Variants in SCAF11 observed in about 807,000 individuals in gnomAD.
SCAF11 encodes protein SCAF11.
SCAF11 carries 47 observed loss-of-function variants against 140.5 expected under a neutral mutation model. The observed-to-expected ratio is 0.33, with a 90% confidence interval of 0.26 to 0.43. SCAF11 has a LOEUF of 0.43. SCAF11 is among the 20% of genes least tolerant of loss of function. The pLI is 1.00. For synonymous variants in SCAF11, 557 were observed against 579.4 expected, an observed-to-expected ratio of 0.96 and a Z score of 0.55; for missense variants, 1,645 against 1,705.1, an observed-to-expected ratio of 0.96 and a Z score of 0.62.
At chr12:45,967,906 G>A (rs1160940064) in intron 1 of SCAF11, among the ~76,000 whole-genome samples, 2 of 152,128 alleles carry the variant, frequency 1.3e-5, no homozygotes, top group African/African-American at 2.4e-5. Context: ...TCAATCCAAG[G>A]ATCCACAAGT....
rs1291264944 is a variant in SCAF11 at position 45,934,223 on chromosome 12, A to G, written c.585T>C (p.Ser195=). 1.2e-6 allele frequency: 2 copies of G among 1,611,844 alleles called. No individual in the cohort carries two copies. Among genetic ancestry groups the G allele is most frequent in the Non-Finnish European group, 1.7e-6 (2 of 1,178,520 alleles). Residue 195 remains serine, a synonymous_variant, in exon 8 of 15, where the codon TCT becomes TCC. Coordinates refer to ENST00000369367, the MANE Select transcript of SCAF11 (RefSeq NM_004719.3). ...AAGATTCTCCAGAGTGGCTAACAGA[A>G]GAAAACATATTGGAGAAAAAATTTC... ...CFRNFFSNMF[S]SVSHSGESSF...
chr12:45,960,951 C>A (rs1945812559), intron 3 of SCAF11: 1 of 175,200 alleles, frequency 5.7e-6, no homozygotes, highest in East Asian at 1.4e-4. Flanking sequence ...ATAATATGAA[C>A]AATAATTTTT....
chr12:45,923,099 G>A lies in SCAF11; in HGVS notation c.3962C>T (p.Ala1321Val). The A allele has an allele frequency of 3.7e-6, 6 of 1,614,142 alleles. No homozygotes were observed. The highest frequency in any genetic ancestry group is 5.1e-6 in the Non-Finnish European group (6 of 1,180,028). ...CGTATTTCCTGGGGCTGCTGTCGGA[G>A]CAGGCAAAACTGGTGTACTCATGTT... ...SNNMSTPVLPAPTAAPGNTGM... is the reference protein window; with the variant it reads ...SNNMSTPVLPVPTAAPGNTGM... Residue 1321 changes from alanine to valine, a missense_variant, in exon 13 of 15, where the codon GCT becomes GTT. Ala to Val is a moderately conservative substitution (Grantham distance 64). Transcript: ENST00000369367.
chr12:45,923,746 G>A (rs185871144), intron 12 of SCAF11, among the ~76,000 whole-genome samples: 4 of 151,442 alleles, frequency 2.6e-5, no homozygotes, highest in Non-Finnish European at 5.9e-5. Flanking sequence ...GCAGTGGCGC[G>A]ATCTTGGCTC....
At chr12:45,967,160 G>A (rs922204412) in intron 1 of SCAF11, among the ~76,000 whole-genome samples, 1 of 152,028 alleles carries the variant, frequency 6.6e-6, no homozygotes, top group Admixed American at 6.6e-5. Context: ...GGCCGAGGTG[G>A]GAGGATCGCT....
intron 1 of SCAF11, among the ~76,000 whole-genome samples, chr12:45,968,536 T>TA (rs905353468): frequency 3.6e-4 from 54 of 148,546 alleles, no homozygotes; most frequent in African/African-American, 1.2e-3. Flanking sequence ...ATTTAAAATT[T>TA]AAAAAAAAAA....
At chr12:45,965,608 C>T (rs1275693736) in intron 1 of SCAF11, among the ~76,000 whole-genome samples, 4 of 152,220 alleles carry the variant, frequency 2.6e-5, no homozygotes, top group Admixed American at 2.0e-4. Context: ...GCCACTGCAC[C>T]TGGCCTTAAA....
intron 1 of SCAF11, among the ~76,000 whole-genome samples, chr12:45,972,895 T>TATATATATATATATATATAG: frequency 3.0e-5 from 1 of 32,912 alleles, no homozygotes; most frequent in African/African-American, 2.4e-4. Context: ...TATATATAGA[T>TATATATATATATATATATAG]ATATATATAT....
chr12:45,992,000 C>T (rs745870259), upstream of SCAF11: 40 of 1,288,930 alleles, frequency 3.1e-5, no homozygotes, highest in Middle Eastern at 2.1e-4. Flanking sequence ...GATGAGTTTC[C>T]TCCCCACTTT....
intron 1 of SCAF11, among the ~76,000 whole-genome samples, chr12:45,983,782 C>CACACACAA (rs1946400523): frequency 6.6e-6 from 1 of 150,660 alleles, no homozygotes; most frequent in South Asian, 2.1e-4. Flanking sequence ...CACACACACA[C>CACACACAA]ACAAAGACTG....
intron 7 of SCAF11, 70 bp downstream of exon 7, chr12:45,934,377 G>T: frequency 7.1e-7 from 1 of 1,399,212 alleles, no homozygotes; most frequent in Non-Finnish European, 1.0e-6. Context: ...TGAAGCACTG[G>T]TTATTTATGG....
chr12:45,944,330 C>T lies in SCAF11; in HGVS notation c.463+919G>A, dbSNP rs115568419. Among the ~76,000 whole-genome samples, 920 of 152,288 alleles carry T rather than the reference C, an allele frequency of 6.0e-3. 16 individuals are homozygous for T. The highest frequency in any genetic ancestry group is 0.021 in the African/African-American group (859 of 41,572). On this transcript the variant is annotated intron_variant, in intron 6 of 14. Transcript: ENST00000369367. The stretch of plus-strand genomic sequence containing the variant: ...CAAAACAACTTTTGCTTCAATTTCA[C>T]TTTAATAGTAAAATTTCAAAGGCAG...
chr12:45,946,790 C>A (rs934312117), intron 5 of SCAF11, among the ~76,000 whole-genome samples: 2 of 152,092 alleles, frequency 1.3e-5, no homozygotes, highest in African/African-American at 4.8e-5. Context: ...ATGCAAGAAC[C>A]AAAGCTGATA....
At position 45,927,892 on chromosome 12, in the gene SCAF11, C is replaced by T; in HGVS notation, c.1809G>A (p.Glu603=). 3 of 1,612,530 alleles carry T rather than the reference C, an allele frequency of 1.9e-6. No homozygotes were observed. Among genetic ancestry groups the T allele is most frequent in the African/African-American group, 1.3e-5 (1 of 74,818 alleles). ...CTAACTTGGGGCTCTCTATAAGCTCCTCTGTTTTTAGTGTAAAATCTTTAT... is the reference window on the plus strand; with the variant it reads ...CTAACTTGGGGCTCTCTATAAGCTCTTCTGTTTTTAGTGTAAAATCTTTAT... ...TEHKDFTLKT[E]ELIESPKLES... The change falls in exon 11 of 15, where the codon GAG becomes GAA. Residue 603 remains glutamate, a synonymous_variant. Coordinates refer to ENST00000369367, the MANE Select transcript of SCAF11 (RefSeq NM_004719.3).
At chr12:45,958,660 T>C (rs1248420367) in intron 3 of SCAF11, among the ~76,000 whole-genome samples, 1 of 152,202 alleles carries the variant, frequency 6.6e-6, no homozygotes, top group African/African-American at 2.4e-5. Flanking sequence ...ATAGTGGACA[T>C]GATTAATTTC....
At chr12:45,990,944 T>G (rs1946593100), upstream of SCAF11, among the ~76,000 whole-genome samples, 1 of 152,246 alleles carries the variant, frequency 6.6e-6, no homozygotes, top group South Asian at 2.1e-4. Context: ...GCCTCTGCCC[T>G]CCTTTGGCAG....
chr12:45,919,401 T>G lies in SCAF11; in HGVS notation c.*2647A>C, dbSNP rs1286466523. 6.6e-6 allele frequency: 1 copy of G among 152,600 alleles called. No homozygotes were observed. Among genetic ancestry groups the G allele is most frequent in the African/African-American group, 2.4e-5 (1 of 41,464 alleles). 9.5% of individuals were successfully genotyped at this position (152,600 alleles called of 1,614,324 possible). A position where few individuals can be genotyped will look rare whatever the true frequency, so the allele number is the denominator to read the frequency against. On this transcript the variant is annotated 3_prime_UTR_variant, in exon 15 of 15. Transcript: ENST00000369367. ...ACAAAACTTTTGGAATGTTAATGGATAACTACTATTAGTCTCAAAATTCTA... is the reference window on the plus strand; with the variant it reads ...ACAAAACTTTTGGAATGTTAATGGAGAACTACTATTAGTCTCAAAATTCTA...
Position 45,961,835 on chromosome 12 carries a change from A to G in SCAF11, c.84T>C (p.Thr28=), listed in dbSNP as rs1195062452. 2 of 1,605,600 alleles carry G rather than the reference A, an allele frequency of 1.2e-6. No individual in the cohort carries two copies. Among genetic ancestry groups the G allele is most frequent in the South Asian group, 1.1e-5 (1 of 89,152 alleles). The change falls in exon 3 of 15, where the codon ACT becomes ACC. Residue 28 remains threonine (T), a synonymous_variant. Transcript: ENST00000369367. ...CACTGTACAACAGACCAGTGGAAATAGTATTATCTCCGTTTTCTTCACCTG... is the reference window on the plus strand; with the variant it reads ...CACTGTACAACAGACCAGTGGAAATGGTATTATCTCCGTTTTCTTCACCTG... ...DMEGEENGDN[T]ISTGLLYSEA... is the part of the protein sequence containing the mutation.
At chr12:45,961,262 G>T in intron 3 of SCAF11, 1 of 713,286 alleles carries the variant, frequency 1.4e-6, no homozygotes, top group Non-Finnish European at 2.6e-6. Context: ...TATCGTATCT[G>T]CTCTGGTTAT....
Sources: allele counts gnomAD v4.1 joint callset (sites outside exome capture counted in the v4.1 genomes callset), GRCh38; gene constraint gnomAD v4.1.1; transcripts MANE v1.5; gene names NCBI Gene and HGNC (gene_info 2026-07-23, HGNC 2026-07-21).